The following SNX19 variants were observed in gnomAD, a reference collection of about 807,000 sequenced individuals.
The protein encoded by SNX19 is sorting nexin 19, also known as sorting nexin-19.
SNX19 carries 60 observed loss-of-function variants against 85.2 expected under a neutral mutation model. That is an observed-to-expected ratio of 0.70 (90% CI 0.57 to 0.87). SNX19 has a LOEUF of 0.87. Ranked by LOEUF, SNX19 falls within the 40% of genes least tolerant of loss-of-function variation. The probability of loss-of-function intolerance (pLI) is 0.00; values close to 1 mark genes in which losing one functional copy is unlikely to be tolerated. For missense variants in SNX19, 1,201 were observed against 1,217.8 expected (o/e 0.99, Z 0.21); for synonymous variants, 520 against 470.0 (o/e 1.11, Z -1.38).
At chr11:130,902,960 C>A in intron 8 of SNX19, 3 of 284,292 alleles carry the variant, frequency 1.1e-5, no homozygotes, top group African/African-American at 2.2e-5. Flanking sequence ...GAGGATATAA[C>A]TGGGTGGAAA....
At chr11:130,911,422 G>C in intron 2 of SNX19, 1 of 1,368,044 alleles carries the variant, frequency 7.3e-7, no homozygotes, top group Non-Finnish European at 9.4e-7. Context: ...TGGGGCTCCA[G>C]AACAAAGCAG....
chr11:130,904,710 T>TTA (rs1565538619), intron 7 of SNX19, among the ~76,000 whole-genome samples: 3 of 151,634 alleles, frequency 2.0e-5, no homozygotes, highest in Non-Finnish European at 2.9e-5. Context: ...TTTTGTTTTT[T>TTA]ATAATCATAT....
rs1399836138 is a variant in SNX19, at chr11:130,873,805, G to A, written c.*4617C>T. Among the ~76,000 whole-genome samples, 1 of 152,096 alleles carries A rather than the reference G, an allele frequency of 6.6e-6. No individual in the cohort carries two copies. Among genetic ancestry groups the A allele is most frequent in the Non-Finnish European group, 1.5e-5 (1 of 68,016 alleles). ...GTAGATAGGGGATCTGCTGAATGTTGGCAGAATGACCCATCCCTAGAGCAG... is the reference window on the plus strand; with the variant it reads ...GTAGATAGGGGATCTGCTGAATGTTAGCAGAATGACCCATCCCTAGAGCAG... On this transcript the variant is annotated 3_prime_UTR_variant, in exon 11 of 11. Transcript: ENST00000265909.
In SNX19 at chr11:130,915,949, G is replaced by A. The variant is rs776122091; in HGVS notation, c.-10C>T. ...CTGTTTCTGTCTTCATGGCTGAACG[G>A]ACAAGGTGGCTTCCCCAGATGACAG... On this transcript the variant is annotated 5_prime_UTR_variant, in exon 1 of 11. Coordinates refer to ENST00000265909, the MANE Select transcript of SNX19 (RefSeq NM_014758.3). The A allele has an allele frequency of 6.2e-7, 1 of 1,609,336 alleles. No individual in the cohort carries two copies. The highest frequency in any genetic ancestry group is 8.5e-7 in the Non-Finnish European group (1 of 1,177,030).
chr11:130,915,514 A>G lies in SNX19; in HGVS notation c.426T>C (p.Leu142=), dbSNP rs769761981. 1 of 1,614,226 alleles carries G rather than the reference A, an allele frequency of 6.2e-7. No individual in the cohort carries two copies. Among genetic ancestry groups the G allele is most frequent in the Non-Finnish European group, 8.5e-7 (1 of 1,180,040 alleles). ...EAAMKGLVQE[L]RRRMSVMDSH... ...TGTCCATCACGCTCATCCTTCTCCG[A>G]AGCTCCTGGACCAACCCTTTCATGG... Residue 142 remains leucine (L), a synonymous_variant, in exon 1 of 11, where the codon CTT becomes CTC. Transcript: ENST00000265909.
intron 8 of SNX19, among the ~76,000 whole-genome samples, chr11:130,885,869 T>C (rs1565513105): frequency 6.6e-6 from 1 of 152,204 alleles, no homozygotes; most frequent in African/African-American, 2.4e-5. Flanking sequence ...ATTAGAAGTA[T>C]TGACTTATTT....
Position 130,871,153 on chromosome 11 carries a change from A to G in SNX19, c.*7269T>C, listed in dbSNP as rs1305557356. Among the ~76,000 whole-genome samples, 2 of 152,186 alleles carry G rather than the reference A, an allele frequency of 1.3e-5. No individual in the cohort carries two copies. Among genetic ancestry groups the G allele is most frequent in the African/African-American group, 4.8e-5 (2 of 41,454 alleles). ...CATGCTGGTTTGGGCAGAATAAAAA[A>G]TCCCTAGATTTTTTTGGAAGTTTCT... On this transcript the variant is annotated 3_prime_UTR_variant, in exon 11 of 11. Transcript: ENST00000265909.
At position 130,906,616 on chromosome 11, in the gene SNX19, G is replaced by A; in HGVS notation, c.2262+9C>T. 1 of 1,596,028 alleles carries A rather than the reference G, an allele frequency of 6.3e-7. No homozygotes were observed. The highest frequency in any genetic ancestry group is 8.6e-7 in the Non-Finnish European group (1 of 1,164,030). On this transcript the variant is annotated intron_variant, in intron 6 of 10. Coordinates refer to ENST00000265909, the MANE Select transcript of SNX19 (RefSeq NM_014758.3). ...TTTTGCCTCACATTCTCTGGGTTTTGGTTCTTACCACATTGCCTTCCTGGA... is the reference window on the plus strand; with the variant it reads ...TTTTGCCTCACATTCTCTGGGTTTTAGTTCTTACCACATTGCCTTCCTGGA...
intron 4 of SNX19, 79 bp from the exon 5 acceptor site, chr11:130,908,162 A>C (rs995087583): frequency 3.3e-6 from 5 of 1,525,268 alleles, no homozygotes; most frequent in Non-Finnish European, 4.4e-6. Flanking sequence ...GCCTCACAGC[A>C]CTTTATGCAA....
chr11:130,895,441 G>A (rs1479468836), intron 8 of SNX19, among the ~76,000 whole-genome samples: 1 of 152,126 alleles, frequency 6.6e-6, no homozygotes, highest in Non-Finnish European at 1.5e-5. Context: ...AATTTACTAG[G>A]TGCCTTCTAT....
chr11:130,904,699 TTTTTG>T (rs1592348544), intron 7 of SNX19, among the ~76,000 whole-genome samples: 1 of 151,698 alleles, frequency 6.6e-6, no homozygotes, highest in East Asian at 1.9e-4. Context: ...GGTAGATTTT[TTTTTG>T]TTTTTTATAA....
chr11:130,903,625 T>C (rs1281461263), intron 7 of SNX19, among the ~76,000 whole-genome samples: 1 of 151,854 alleles, frequency 6.6e-6, no homozygotes, highest in African/African-American at 2.4e-5. Context: ...TAAATGTTTC[T>C]ATGTTTTTAA....
chr11:130,897,927 T>G (rs759092009), intron 8 of SNX19, among the ~76,000 whole-genome samples: 4 of 152,182 alleles, frequency 2.6e-5, no homozygotes, highest in Non-Finnish European at 4.4e-5. Flanking sequence ...TGTTACATAA[T>G]TGGATGTTCC....
chr11:130,887,378 A>T (rs905555779), intron 8 of SNX19, among the ~76,000 whole-genome samples: 1 of 152,234 alleles, frequency 6.6e-6, no homozygotes. Flanking sequence ...CAAGTGGCTT[A>T]TAAGAACATA....
intron 8 of SNX19, chr11:130,894,703 A>G (rs1283824995): frequency 1.8e-5 from 18 of 985,332 alleles, no homozygotes; most frequent in Non-Finnish European, 2.2e-5. Context: ...ACACATTCAG[A>G]AAGAAGCTGG....
chr11:130,901,715 C>A (rs1406095865), intron 8 of SNX19: 1 of 152,082 alleles, frequency 6.6e-6, no homozygotes, highest in South Asian at 2.1e-4. Context: ...CCTTTTCAAA[C>A]AAAGCGTTAC....
intron 2 of SNX19, among the ~76,000 whole-genome samples, chr11:130,910,614 T>A (rs1946032123): frequency 6.6e-6 from 1 of 152,186 alleles, no homozygotes; most frequent in Admixed American, 6.5e-5. Flanking sequence ...ACTATAATGA[T>A]GATCTTAGGC....
chr11:130,910,165 T>G (rs1945988835), intron 3 of SNX19, 28 bp from the exon 4 acceptor site: 1 of 1,613,876 alleles, frequency 6.2e-7, no homozygotes, highest in East Asian at 2.2e-5. Flanking sequence ...ACACACATTT[T>G]AAAGAGAAAT....
intron 8 of SNX19, among the ~76,000 whole-genome samples, chr11:130,890,073 G>T (rs1210499762): frequency 6.6e-6 from 1 of 152,052 alleles, no homozygotes; most frequent in African/African-American, 2.4e-5. Context: ...GTAAGCAACA[G>T]GATTTTAACC....
Sources: gnomAD v4.1 joint callset for allele counts (sites outside exome capture counted in the v4.1 genomes callset) on GRCh38, gnomAD v4.1.1 for gene constraint, MANE v1.5 for transcripts, NCBI Gene and HGNC (gene_info 2026-07-23, HGNC 2026-07-21) for gene names.